Variants in SNX6 observed in about 807,000 individuals in gnomAD.
SNX6 encodes sorting nexin 6.
A neutral mutation model predicts 63.0 loss-of-function variants in SNX6; 34 were observed. That is an observed-to-expected ratio of 0.54 (90% confidence interval 0.41 to 0.72). The LOEUF (loss-of-function observed/expected upper bound fraction) is 0.72, where lower values mean the gene tolerates loss of function less well. SNX6 is among the 30% of genes least tolerant of loss of function. The pLI is 0.00. For synonymous variants in SNX6, 170 were observed against 164.2 expected (o/e 1.04, Z -0.27); for missense variants, 398 against 471.4 (o/e 0.84, Z 1.44).
rs576020744 is a variant in SNX6 at position 34,597,282 on chromosome 14, T to C, written c.612+268A>G. Among the ~76,000 whole-genome samples the C allele has an allele frequency of 3.9e-5, 6 of 152,310 alleles. No individual in the cohort carries two copies. The South Asian group carries it at 1.2e-3, about 32-fold the overall frequency. On this transcript the variant is annotated intron_variant, in intron 7 of 13. Transcript: ENST00000362031. The stretch of plus-strand genomic sequence containing the variant: ...ATTTGGGTAGGGAGACAGCGGATTC[T>C]AGAAACCTGGAACCTGGTCTGATGT...
At position 34,593,098 on chromosome 14, in the gene SNX6, T is replaced by C; in HGVS notation, c.665A>G (p.Asn222Ser). 6.2e-7 allele frequency: 1 copy of C among 1,609,400 alleles called. No individual in the cohort carries two copies. The highest frequency in any genetic ancestry group is 8.5e-7 in the Non-Finnish European group (1 of 1,178,654). ...HERTFLLEYH[N>S]RVKDASAKSD... ...TTTAGCAGATGCATCCTTAACTCGGTTATGATACTCCAAAAGAAATGTTCG... is the reference window on the plus strand; with the variant it reads ...TTTAGCAGATGCATCCTTAACTCGGCTATGATACTCCAAAAGAAATGTTCG... Residue 222 changes from asparagine (N) to serine (S), a missense_variant, in exon 8 of 14, where the codon AAC (asparagine) becomes AGC (serine). Transcript: ENST00000362031.
intron 13 of SNX6, among the ~76,000 whole-genome samples, chr14:34,565,299 G>C (rs867207573): frequency 6.6e-6 from 1 of 151,420 alleles, no homozygotes. Context: ...GGATGGTCTC[G>C]ATCTCCTGAC....
intron 2 of SNX6, among the ~76,000 whole-genome samples, chr14:34,612,727 C>A (rs570947232): frequency 6.6e-6 from 1 of 152,036 alleles, no homozygotes; most frequent in African/African-American, 2.4e-5. Flanking sequence ...AGCCACCACG[C>A]CGAGCCAGGA....
intron 11 of SNX6, among the ~76,000 whole-genome samples, chr14:34,574,639 A>AAAAG (rs1566466898): frequency 1.3e-5 from 2 of 151,414 alleles, no homozygotes; most frequent in African/African-American, 2.4e-5. Context: ...AAAAAAAAAA[A>AAAAG]AAAGAAAGAA....
At chr14:34,587,954 G>T (rs1353207290) in intron 8 of SNX6, among the ~76,000 whole-genome samples, 1 of 151,552 alleles carries the variant, frequency 6.6e-6, no homozygotes, top group African/African-American at 2.4e-5. Context: ...GGGACTACAG[G>T]GGCATGCCAC....
At chr14:34,612,420 G>A (rs1883267053) in intron 2 of SNX6, among the ~76,000 whole-genome samples, 1 of 151,972 alleles carries the variant, frequency 6.6e-6, no homozygotes, top group Non-Finnish European at 1.5e-5. Context: ...TATCCAGGTG[G>A]GCCTTAAAGG....
At chr14:34,614,308 G>A (rs1396603671) in intron 2 of SNX6, among the ~76,000 whole-genome samples, 2 of 151,818 alleles carry the variant, frequency 1.3e-5, no homozygotes, top group African/African-American at 4.8e-5. Context: ...AGCCCAGCCT[G>A]GTGGGACACA....
intron 8 of SNX6, 147 bp downstream of exon 8, chr14:34,592,898 G>A (rs999096200): frequency 2.1e-5 from 13 of 606,274 alleles, no homozygotes; most frequent in Non-Finnish European, 3.5e-5. Flanking sequence ...TGACCTCACA[G>A]GCTCACTATA....
At chr14:34,625,191 A>C (rs1349761933) in intron 2 of SNX6, among the ~76,000 whole-genome samples, 1 of 152,138 alleles carries the variant, frequency 6.6e-6, no homozygotes, top group East Asian at 1.9e-4. Context: ...TTGGGATTAT[A>C]GGAGTGAGCC....
At chr14:34,624,777 A>T (rs147211682) in intron 2 of SNX6, among the ~76,000 whole-genome samples, 103 of 152,134 alleles carry the variant, frequency 6.8e-4, no homozygotes, top group African/African-American at 2.4e-3. Context: ...GCCTAGCGAC[A>T]GAGCAAGACT....
At chr14:34,581,938 C>T (rs1347293590) in intron 9 of SNX6, among the ~76,000 whole-genome samples, 31 of 152,112 alleles carry the variant, frequency 2.0e-4, no homozygotes, top group Admixed American at 2.0e-3. Context: ...AAGCGATTCT[C>T]CAGCCTCAGC....
rs1175939381 is a variant in SNX6, at chr14:34,625,743, T to TA, written c.54+4163dup. ...GCGAGACCCTGTCTCAAAAAAAATTTAAAAAAAAAATGCAGTTATCTGCCC... is the reference window on the plus strand; with the variant it reads ...GCGAGACCCTGTCTCAAAAAAAATTTAAAAAAAAAAATGCAGTTATCTGCCC... On this transcript the variant is annotated intron_variant, in intron 2 of 13. Transcript: ENST00000362031. Among the ~76,000 whole-genome samples, 703 of 149,834 alleles carry TA rather than the reference T, an allele frequency of 4.7e-3. 7 individuals are homozygous for TA. The highest frequency in any genetic ancestry group is 0.016 in the African/African-American group (673 of 41,018).
chr14:34,599,623 A>C (rs1183271369), intron 6 of SNX6, among the ~76,000 whole-genome samples: 1 of 151,524 alleles, frequency 6.6e-6, no homozygotes, highest in South Asian at 2.1e-4. Flanking sequence ...AAAAAAAAAA[A>C]ATTAGCCGGG....
At chr14:34,583,707 T>C (rs1882037009) in intron 9 of SNX6, among the ~76,000 whole-genome samples, 1 of 152,170 alleles carries the variant, frequency 6.6e-6, no homozygotes, top group Non-Finnish European at 1.5e-5. Flanking sequence ...TTAGGGCAAA[T>C]ACTACTCAAA....
At chr14:34,615,197 T>C (rs1037326447) in intron 2 of SNX6, among the ~76,000 whole-genome samples, 1 of 152,178 alleles carries the variant, frequency 6.6e-6, no homozygotes, top group Non-Finnish European at 1.5e-5. Flanking sequence ...CCCTGTACTA[T>C]CCACTTAACG....
At chr14:34,587,842 ACT>A (rs1376617937) in intron 8 of SNX6, among the ~76,000 whole-genome samples, 9 of 128,936 alleles carry the variant, frequency 7.0e-5, no homozygotes, top group East Asian at 2.3e-4. Context: ...ATAAGGCCTG[ACT>A]CTGCCACCCA....
intron 2 of SNX6, among the ~76,000 whole-genome samples, chr14:34,616,923 GA>G (rs928218126): frequency 3.4e-5 from 5 of 148,974 alleles, no homozygotes; most frequent in South Asian, 4.3e-4. Flanking sequence ...ATATAAAAAA[GA>G]AAAAAAAAAT....
chr14:34,597,407 G>T, intron 7 of SNX6, 143 bp downstream of exon 7: 1 of 601,182 alleles, frequency 1.7e-6, no homozygotes, highest in East Asian at 2.7e-5. Flanking sequence ...ATCTAGGTCA[G>T]GAGGATTCCT....
chr14:34,572,437 G>C (rs1003501286), intron 11 of SNX6, among the ~76,000 whole-genome samples: 2 of 151,950 alleles, frequency 1.3e-5, no homozygotes, highest in African/African-American at 4.8e-5. Context: ...CTTCAAAAGT[G>C]AGTATTTTAG....
Sources: gnomAD v4.1 joint callset for allele counts (sites outside exome capture counted in the v4.1 genomes callset) on GRCh38, gnomAD v4.1.1 for gene constraint, MANE v1.5 for transcripts, NCBI Gene and HGNC (gene_info 2026-07-23, HGNC 2026-07-21) for gene names.